The following N4BP2L2 variants were observed in gnomAD, a reference collection of about 807,000 sequenced individuals.
The protein encoded by N4BP2L2 is NEDD4 binding protein 2 like 2.
A neutral mutation model predicts 56.2 loss-of-function variants in N4BP2L2; 50 were observed. The observed-to-expected ratio is 0.89, with a 90% confidence interval of 0.71 to 1.13. The LOEUF (loss-of-function observed/expected upper bound fraction) is 1.13. N4BP2L2 is among the 50% of genes most tolerant of loss of function. N4BP2L2 has a pLI of 0.00. For missense variants in N4BP2L2, 689 were observed against 693.8 expected (o/e 0.99, Z 0.08); for synonymous variants, 203 against 223.6 (o/e 0.91, Z 0.82).
chr13:32,438,005 CATA>C (rs1049734227), intron 8 of N4BP2L2, among the ~76,000 whole-genome samples: 9 of 152,180 alleles, frequency 5.9e-5, no homozygotes, highest in African/African-American at 9.6e-5. Context: ...ATTTTATTGA[CATA>C]ATAATTGTAC....
chr13:32,476,593 G>A (rs1320433273), intron 6 of N4BP2L2, among the ~76,000 whole-genome samples: 1 of 152,098 alleles, frequency 6.6e-6, no homozygotes, highest in Non-Finnish European at 1.5e-5. Context: ...ATCCTTGCTG[G>A]AGAAATCTAT....
At chr13:32,469,266 G>GT (rs780864801) in intron 6 of N4BP2L2, among the ~76,000 whole-genome samples, 4 of 152,218 alleles carry the variant, frequency 2.6e-5, no homozygotes, top group Non-Finnish European at 4.4e-5. Context: ...ATGGGCTGTG[G>GT]TAACTGGTGG....
intron 6 of N4BP2L2, among the ~76,000 whole-genome samples, chr13:32,494,381 T>C (rs1000857231): frequency 5.9e-5 from 9 of 152,158 alleles, no homozygotes; most frequent in Non-Finnish European, 1.0e-4. Context: ...GTTAATACCA[T>C]CAAATAGAAA....
intron 6 of N4BP2L2, among the ~76,000 whole-genome samples, chr13:32,468,862 G>A (rs1164342251): frequency 1.3e-5 from 2 of 152,224 alleles, no homozygotes; most frequent in East Asian, 1.9e-4. Flanking sequence ...TGTGCCCAGA[G>A]AGAGAAAAAG....
At chr13:32,472,902 G>A (rs2082585851) in intron 6 of N4BP2L2, among the ~76,000 whole-genome samples, 1 of 152,146 alleles carries the variant, frequency 6.6e-6, no homozygotes, top group Admixed American at 6.6e-5. Flanking sequence ...TTGAAATGTG[G>A]CTAGTCTGAA....
chr13:32,527,260 C>A lies in N4BP2L2; in HGVS notation c.1384+148G>T, dbSNP rs2053287784. ...AGGGCAAGTATAATTATCACCACCT[C>A]TAACAGATGGAGAAATTAGGTCTCA... On this transcript the variant is annotated intron_variant, in intron 3 of 5. Coordinates refer to ENST00000267068, the Ensembl canonical transcript of N4BP2L2. 6 of 789,974 alleles carry A rather than the reference C, an allele frequency of 7.6e-6. No individual in the cohort carries two copies. In the South Asian group the frequency reaches 1.2e-4, roughly 16 times the overall value. The allele number at this position is 789,974 out of a possible 1,614,324, so 48.9% of individuals were successfully genotyped here.
intron 6 of N4BP2L2, among the ~76,000 whole-genome samples, chr13:32,481,708 C>T (rs2084785212): frequency 6.6e-6 from 1 of 152,150 alleles, no homozygotes. Flanking sequence ...CTTTAATTCA[C>T]ACCTCAAATC....
intron 2 of N4BP2L2, among the ~76,000 whole-genome samples, chr13:32,530,053 T>C (rs1048801197): frequency 6.6e-6 from 1 of 152,136 alleles, no homozygotes; most frequent in African/African-American, 2.4e-5. Flanking sequence ...GTTAATAATA[T>C]CATTCTACAT....
At chr13:32,505,876 A>G (rs1294151159), downstream of N4BP2L2, 3 of 152,204 alleles carry the variant, frequency 2.0e-5, no homozygotes, top group African/African-American at 7.2e-5. Flanking sequence ...CCATATGTCT[A>G]CCAACAATCT....
At chr13:32,468,798 G>C (rs532274305) in intron 6 of N4BP2L2, among the ~76,000 whole-genome samples, 13 of 152,348 alleles carry the variant, frequency 8.5e-5, no homozygotes, top group Non-Finnish European at 1.5e-4. Context: ...AGAGAAAAGA[G>C]AGAGAGCCAG....
intron 1 of N4BP2L2, among the ~76,000 whole-genome samples, chr13:32,537,269 T>C (rs547555439): frequency 6.6e-6 from 1 of 151,910 alleles, no homozygotes; most frequent in East Asian, 1.9e-4. Context: ...TATGTATATA[T>C]ACATATATAT....
At chr13:32,437,023 G>A (rs1383738163) in intron 8 of N4BP2L2, among the ~76,000 whole-genome samples, 1 of 151,906 alleles carries the variant, frequency 6.6e-6, no homozygotes. Flanking sequence ...TGTGATTACA[G>A]GCAAGTGCCA....
chr13:32,464,398 T>C (rs1394378394), intron 6 of N4BP2L2, among the ~76,000 whole-genome samples: 1 of 152,200 alleles, frequency 6.6e-6, no homozygotes, highest in Non-Finnish European at 1.5e-5. Context: ...ATGTTTGTGT[T>C]TTTTTCTGGC....
chr13:32,533,753 G>C (rs1388307352), intron 2 of N4BP2L2, among the ~76,000 whole-genome samples: 1 of 151,696 alleles, frequency 6.6e-6, no homozygotes, highest in East Asian at 1.9e-4. Flanking sequence ...CTTTTAATTT[G>C]GTCCTCCAAT....
intron 6 of N4BP2L2, among the ~76,000 whole-genome samples, chr13:32,469,023 G>A (rs564412500): frequency 6.6e-5 from 10 of 152,316 alleles, no homozygotes; most frequent in Middle Eastern, 3.4e-3. Context: ...TGCTGATGAG[G>A]AGCTAGTGTG....
intron 6 of N4BP2L2, among the ~76,000 whole-genome samples, chr13:32,494,131 A>T (rs1051541901): frequency 2.0e-5 from 3 of 152,008 alleles, no homozygotes; most frequent in Non-Finnish European, 2.9e-5. Flanking sequence ...AAAATAAAAA[A>T]AATTATCTGG....
chr13:32,456,579 T>C (rs1219815566), intron 6 of N4BP2L2, among the ~76,000 whole-genome samples: 1 of 151,940 alleles, frequency 6.6e-6, no homozygotes, highest in Non-Finnish European at 1.5e-5. Flanking sequence ...ATAATGATAA[T>C]CAAAGTAGCT....
intron 7 of N4BP2L2, among the ~76,000 whole-genome samples, chr13:32,441,072 C>T (rs1459290168): frequency 6.6e-6 from 1 of 151,996 alleles, no homozygotes; most frequent in African/African-American, 2.4e-5. Flanking sequence ...CCAGGCTGGT[C>T]TCAAACTCCT....
exon 7 of N4BP2L2, chr13:32,443,907 A>G (rs942322030): frequency 6.4e-7 from 1 of 1,573,146 alleles, no homozygotes. Context: ...CATTTTGTAG[A>G]CCATCAATGA....
Sources: allele counts gnomAD v4.1 joint callset (sites outside exome capture counted in the v4.1 genomes callset), GRCh38; gene constraint gnomAD v4.1.1; transcripts MANE v1.5; gene names NCBI Gene and HGNC (gene_info 2026-07-23, HGNC 2026-07-21).